The following SHROOM3 variants were observed in gnomAD, a reference collection of about 807,000 sequenced individuals.
The protein encoded by SHROOM3 is protein Shroom3.
Under a neutral mutation model 138.6 loss-of-function variants are expected in SHROOM3, and 47 were observed. That is an observed-to-expected ratio of 0.34 (90% CI 0.27 to 0.43). The LOEUF (loss-of-function observed/expected upper bound fraction) is 0.43, where lower values mean the gene tolerates loss of function less well. Ranked by LOEUF, SHROOM3 falls within the 20% of genes least tolerant of loss-of-function variation. The pLI is 1.00. For missense variants in SHROOM3, 2,491 were observed against 2,596.5 expected, an observed-to-expected ratio of 0.96 and a Z score of 0.88; for synonymous variants, 1,062 against 1,063.3, an observed-to-expected ratio of 1.00 and a Z score of 0.02.
chr4:76,780,120 G>T lies in SHROOM3; in HGVS notation c.*943G>T, dbSNP rs889302065. 1.3e-5 allele frequency: 2 copies of T among 152,028 alleles called. No homozygotes were observed. Among genetic ancestry groups the T allele is most frequent in the Admixed American group, 6.5e-5 (1 of 15,270 alleles). The allele number at this position is 152,028 out of a possible 1,614,324, so 9.4% of individuals were successfully genotyped here. A position where few individuals can be genotyped will look rare whatever the true frequency, so the allele number is the denominator to read the frequency against. ...CTGAACAAGATTTGGGCTAAATACG[G>T]CCTGTTTATTGAGGCTGTTTTAATG... On this transcript the variant is annotated 3_prime_UTR_variant, in exon 11 of 11. Transcript: ENST00000296043.
chr4:76,614,521 G>A (rs1234195823), intron 2 of SHROOM3, among the ~76,000 whole-genome samples: 5 of 152,032 alleles, frequency 3.3e-5, no homozygotes, highest in Non-Finnish European at 7.4e-5. Flanking sequence ...TGTGCAGAAT[G>A]TGCAGGTTTG....
chr4:76,521,323 T>C (rs1732561146), intron 1 of SHROOM3, among the ~76,000 whole-genome samples: 1 of 152,192 alleles, frequency 6.6e-6, no homozygotes, highest in East Asian at 1.9e-4. Flanking sequence ...TGCACACATG[T>C]GTGTTGAAAG....
intron 2 of SHROOM3, among the ~76,000 whole-genome samples, chr4:76,574,169 T>C (rs1733889662): frequency 6.6e-6 from 1 of 152,178 alleles, no homozygotes. Flanking sequence ...GGCTGGGTTT[T>C]CTCACTATTT....
At chr4:76,495,830 G>T (rs1731956272) in intron 1 of SHROOM3, among the ~76,000 whole-genome samples, 1 of 152,204 alleles carries the variant, frequency 6.6e-6, no homozygotes, top group African/African-American at 2.4e-5. Flanking sequence ...CTGTATTGTG[G>T]TATCATTTTC....
chr4:76,552,980 A>T (rs1345989524), intron 1 of SHROOM3, among the ~76,000 whole-genome samples: 1 of 152,084 alleles, frequency 6.6e-6, no homozygotes, highest in Non-Finnish European at 1.5e-5. Flanking sequence ...TTACTTGTTT[A>T]TTATGTTTAT....
rs202135226 is a variant in SHROOM3, at chr4:76,754,520, C to G, written c.4037C>G (p.Thr1346Ser). ...LAGTQGLVTD[T>S]RAAPLTPIGT... Reference sequence around the variant, plus strand: ...GGAACGCAAGGGCTGGTCACAGACACCAGGGCTGCACCCCTGACCCCAATT... The same window carrying G: ...GGAACGCAAGGGCTGGTCACAGACAGCAGGGCTGCACCCCTGACCCCAATT... The change falls in exon 7 of 11, where the codon ACC (threonine) becomes AGC (serine). Residue 1346 changes from threonine (T) to serine (S), a missense_variant. By Grantham distance (58) the Thr-to-Ser change is moderately conservative. Transcript: ENST00000296043. 6.2e-7 allele frequency: 1 copy of G among 1,613,880 alleles called. No individual in the cohort carries two copies. Among genetic ancestry groups the G allele is most frequent in the African/African-American group, 1.3e-5 (1 of 75,030 alleles).
At chr4:76,679,468 T>C (rs549010705) in intron 2 of SHROOM3, among the ~76,000 whole-genome samples, 1 of 152,268 alleles carries the variant, frequency 6.6e-6, no homozygotes, top group East Asian at 1.9e-4. Context: ...CTGTACCAAA[T>C]TCCATGCTTA....
chr4:76,741,574 C>T lies in SHROOM3; in HGVS notation c.3401C>T (p.Ala1134Val). The T allele has an allele frequency of 6.5e-7, 1 of 1,543,022 alleles. No homozygotes were observed. Among genetic ancestry groups the T allele is most frequent in the Non-Finnish European group, 8.7e-7 (1 of 1,150,520 alleles). The change falls in exon 5 of 11, where the codon GCC becomes GTC. Residue 1134 changes from alanine (A) to valine (V), a missense_variant. This residue lies in a region of SHROOM3 where 1,733 missense variants were observed against 1,661.6 expected (regional missense o/e 1.04). Transcript: ENST00000296043. The surrounding 1 kb of genome is among the most constrained non-coding windows in gnomAD (Gnocchi z 6.2). ...GPAALEGSGL[A>V]SASSLSSLRE... is the part of the protein sequence containing the mutation. ...GCGGCGCTCGAAGGCTCCGGCCTCG[C>T]CTCGGCCTCCAGCTTGAGCTCACTG...
chr4:76,554,420 T>G (rs1314181324), intron 1 of SHROOM3, among the ~76,000 whole-genome samples: 8 of 27,542 alleles, frequency 2.9e-4, no homozygotes, highest in African/African-American at 1.6e-3. Context: ...TTTGTTTGTG[T>G]TTTTTTTTTT....
At chr4:76,479,477 CTA>C (rs1268472750) in intron 1 of SHROOM3, among the ~76,000 whole-genome samples, 3 of 151,948 alleles carry the variant, frequency 2.0e-5, no homozygotes, top group African/African-American at 7.3e-5. Flanking sequence ...AAATAGGGGA[CTA>C]TGTGGAAAGA....
intron 5 of SHROOM3, among the ~76,000 whole-genome samples, chr4:76,748,097 AATT>A (rs1358520222): frequency 6.6e-6 from 1 of 152,170 alleles, no homozygotes; most frequent in Middle Eastern, 3.2e-3. Flanking sequence ...CGGTAGCTGC[AATT>A]ATTAATAATG....
intron 3 of SHROOM3, among the ~76,000 whole-genome samples, chr4:76,726,281 C>T (rs945529229): frequency 6.6e-6 from 1 of 152,166 alleles, no homozygotes; most frequent in Admixed American, 6.5e-5. Flanking sequence ...CAGGCTCCCT[C>T]TCCCCTAAAT....
intron 2 of SHROOM3, among the ~76,000 whole-genome samples, chr4:76,659,389 C>T (rs756741177): frequency 1.2e-4 from 19 of 152,316 alleles, no homozygotes; most frequent in Non-Finnish European, 2.2e-4. Context: ...CATCTGGGCT[C>T]CTTTGGAAAA....
intron 2 of SHROOM3, among the ~76,000 whole-genome samples, chr4:76,659,671 T>C (rs996677906): frequency 1.3e-5 from 2 of 152,146 alleles, no homozygotes; most frequent in African/African-American, 2.4e-5. Context: ...AACCTCCGCC[T>C]CCCAGGTTCA....
At chr4:76,461,199 C>G (rs927987122) in intron 1 of SHROOM3, among the ~76,000 whole-genome samples, 9 of 152,084 alleles carry the variant, frequency 5.9e-5, no homozygotes, top group African/African-American at 2.2e-4. Flanking sequence ...ACATAATGCT[C>G]TCTACTCCAC....
intron 2 of SHROOM3, among the ~76,000 whole-genome samples, chr4:76,566,929 G>A (rs947383960): frequency 3.9e-5 from 6 of 152,242 alleles, no homozygotes; most frequent in Non-Finnish European, 8.8e-5. Flanking sequence ...TAAGACTAGC[G>A]TCTTTGTGCT....
chr4:76,598,150 C>T (rs1455897237), intron 2 of SHROOM3, among the ~76,000 whole-genome samples: 4 of 151,902 alleles, frequency 2.6e-5, no homozygotes, highest in Non-Finnish European at 5.9e-5. Context: ...CCTTAGCCTA[C>T]CGAGTAGCTG....
chr4:76,608,288 G>T (rs1734665503), intron 2 of SHROOM3, among the ~76,000 whole-genome samples: 1 of 152,158 alleles, frequency 6.6e-6, no homozygotes, highest in Non-Finnish European at 1.5e-5. Flanking sequence ...GCTTCACTTT[G>T]GCAAGTGCCC....
chr4:76,775,960 T>C (rs550455995), intron 10 of SHROOM3, among the ~76,000 whole-genome samples: 2 of 152,088 alleles, frequency 1.3e-5, no homozygotes, highest in South Asian at 4.2e-4. Context: ...TTCTTTTCCA[T>C]ATAATTACTT....
Sources: gnomAD v4.1 joint callset for allele counts (sites outside exome capture counted in the v4.1 genomes callset) on GRCh38, gnomAD v4.1.1 for gene constraint, gnomAD v4.1.1 regional missense constraint, Gnocchi (gnomAD v3.1) non-coding constraint, MANE v1.5 for transcripts, NCBI Gene and HGNC (gene_info 2026-07-23, HGNC 2026-07-21) for gene names.